TMEM59: variants seen among roughly 807,000 people sequenced by gnomAD.
TMEM59 encodes transmembrane protein 59.
A neutral mutation model predicts 42.2 loss-of-function variants in TMEM59; 44 were observed. The observed-to-expected ratio is 1.04, with a 90% CI of 0.82 to 1.34. TMEM59 has a LOEUF of 1.34. TMEM59 is among the 40% of genes most tolerant of loss of function. The pLI, the probability that TMEM59 is intolerant of heterozygous loss-of-function variation, is 0.00. For missense variants in TMEM59, 359 were observed against 382.8 expected, an observed-to-expected ratio of 0.94 and a Z score of 0.52; for synonymous variants, 148 against 145.8, an observed-to-expected ratio of 1.02 and a Z score of -0.11.
Position 54,030,601 on chromosome 1 carries a change from A to C in TMEM59, c.*1549T>G, listed in dbSNP as rs1656736723. 6.6e-6 allele frequency: 1 copy of C among 152,104 alleles called. No homozygotes were observed. Among genetic ancestry groups the C allele is most frequent in the African/African-American group, 2.4e-5 (1 of 41,420 alleles). 9.4% of individuals were successfully genotyped at this position (152,104 alleles called of 1,614,324 possible). A position where few individuals can be genotyped will look rare whatever the true frequency, so the allele number is the denominator to read the frequency against. ...AGCCACTGTGCCTGGCTGAGTCCCC[A>C]CGTTTTATCCCATGTTTTCTAACAA... On this transcript the variant is annotated 3_prime_UTR_variant, in exon 8 of 8. Coordinates refer to ENST00000234831, the MANE Select transcript of TMEM59 (RefSeq NM_004872.5).
In TMEM59 at chr1:54,043,401, G is replaced by A; in HGVS notation, c.515C>T (p.Ala172Val). ...ITSSWTFYLQ[A>V]DDGKIVIFQS... The stretch of plus-strand genomic sequence containing the variant: ...GAATATAACTATTTTTCCGTCATCG[G>A]CTTGAAGATAAAAAGTCCATGAAGA... The change falls in exon 4 of 8, where the codon GCC (alanine) becomes GTC (valine). Residue 172 changes from alanine (A) to valine (V), a missense_variant. Physicochemically the swap from Ala to Val is moderately conservative, Grantham distance 64. Transcript: ENST00000234831. 1 of 1,555,568 alleles carries A rather than the reference G, an allele frequency of 6.4e-7. No homozygotes were observed. The highest frequency in any genetic ancestry group is 8.7e-7 in the Non-Finnish European group (1 of 1,153,468).
intron 1 of TMEM59, among the ~76,000 whole-genome samples, chr1:54,049,383 TAGAC>T (rs1404837250): frequency 2.6e-5 from 4 of 152,218 alleles, no homozygotes; most frequent in South Asian, 2.1e-4. Flanking sequence ...TACTATCTAA[TAGAC>T]AGACATATTT....
chr1:54,047,583 G>GA (rs1657386625), intron 1 of TMEM59: 8 of 466,678 alleles, frequency 1.7e-5, no homozygotes, highest in Non-Finnish European at 3.0e-5. Flanking sequence ...GTGATACGAA[G>GA]AAAAAAGCCT....
At chr1:54,044,867 C>T (rs934799587) in intron 3 of TMEM59, 1 of 152,116 alleles carries the variant, frequency 6.6e-6, no homozygotes, top group African/African-American at 2.4e-5. Context: ...TTTATGTATA[C>T]TTATATTTAC....
rs967726962 is a variant in TMEM59 at position 54,029,809 on chromosome 1, G to A, written c.*2341C>T. On this transcript the variant is annotated 3_prime_UTR_variant, in exon 8 of 8. Coordinates refer to ENST00000234831, the MANE Select transcript of TMEM59 (RefSeq NM_004872.5). ...ATTATCTCAATCTTTATCACTGTAC[G>A]TACCCTGACCCTAGACTCTAGTGTA... 31 of 152,010 alleles carry A rather than the reference G, an allele frequency of 2.0e-4. No individual in the cohort carries two copies. The highest frequency in any genetic ancestry group is 6.5e-4 in the African/African-American group (27 of 41,370). The allele number at this position is 152,010 out of a possible 1,614,324, so 9.4% of individuals were successfully genotyped here. A position where few individuals can be genotyped will look rare whatever the true frequency, so the allele number is the denominator to read the frequency against.
chr1:54,047,470 A>G (rs1035325307), intron 1 of TMEM59, 98 bp from the exon 2 acceptor site: 2 of 944,836 alleles, frequency 2.1e-6, no homozygotes, highest in Non-Finnish European at 3.2e-6. Context: ...AAAGTTTATT[A>G]CAAATCGTCC....
chr1:54,048,588 C>A lies in TMEM59; in HGVS notation c.190-1216G>T, dbSNP rs41294774. On this transcript the variant is annotated intron_variant, in intron 1 of 7. Transcript: ENST00000234831. ...AAGACTAATGTCTTCAGCTGTTTTT[C>A]TTTGATAAAATAAAAGTATTTAAAA... The A allele has an allele frequency of 2.1e-3, 781 of 373,488 alleles. 5 individuals are homozygous for A. Among genetic ancestry groups the A allele is most frequent in the Non-Finnish European group, 3.2e-3 (585 of 180,744 alleles). 23.1% of individuals were successfully genotyped at this position (373,488 alleles called of 1,614,324 possible).
intron 5 of TMEM59, among the ~76,000 whole-genome samples, chr1:54,041,306 G>C (rs1399648096): frequency 6.6e-6 from 1 of 152,186 alleles, no homozygotes; most frequent in Non-Finnish European, 1.5e-5. Context: ...AATAAAAATA[G>C]AATGGGGACT....
upstream of TMEM59, chr1:54,053,439 C>T (rs909194083): frequency 1.5e-5 from 8 of 522,428 alleles, no homozygotes; most frequent in African/African-American, 3.8e-5. Flanking sequence ...AGCGGGGCCT[C>T]CTGACTTCTT....
At chr1:54,040,967 A>T in intron 5 of TMEM59, 130 bp from the exon 6 acceptor site, 1 of 675,762 alleles carries the variant, frequency 1.5e-6, no homozygotes, top group Non-Finnish European at 2.6e-6. Context: ...TACATTTTAT[A>T]ATGTGTACCA....
rs539897709 is a variant in TMEM59, at chr1:54,028,110, C to CAAACGTAGAATTAAGAGGATGGTGATAAG, written c.*4011_*4039dup. 4 of 152,224 alleles carry CAAACGTAGAATTAAGAGGATGGTGATAAG rather than the reference C, an allele frequency of 2.6e-5. No individual in the cohort carries two copies. The South Asian group carries it at 8.3e-4, about 32-fold the overall frequency. The allele number at this position is 152,224 out of a possible 1,614,324, so 9.4% of individuals were successfully genotyped here. A position where few individuals can be genotyped will look rare whatever the true frequency, so the allele number is the denominator to read the frequency against. On this transcript the variant is annotated 3_prime_UTR_variant, in exon 8 of 8. Transcript: ENST00000234831. ...CGCTGGCTTCCTAGAGACTGGTTGG[C>CAAACGTAGAATTAAGAGGATGGTGATAAG]AAACGTAGAATTAAGAGGATGGTGA...
In TMEM59 at chr1:54,036,650, G is replaced by A. The variant is rs1656960900; in HGVS notation, c.776C>T (p.Ala259Val). Residue 259 changes from alanine to valine, a missense_variant, in exon 7 of 8, where the codon GCA becomes GTA. By Grantham distance (64) the Ala-to-Val change is moderately conservative. Transcript: ENST00000234831. ...SVMVLLWICC[A>V]TVATAVEQYV... ...CTGCTCCACAGCTGTAGCAACAGTTGCACAACAAATCCAAAGCAATACCAT... is the reference window on the plus strand; with the variant it reads ...CTGCTCCACAGCTGTAGCAACAGTTACACAACAAATCCAAAGCAATACCAT... 6.2e-7 allele frequency: 1 copy of A among 1,610,580 alleles called. No homozygotes were observed. Among genetic ancestry groups the A allele is most frequent in the Non-Finnish European group, 8.5e-7 (1 of 1,178,260 alleles).
intron 1 of TMEM59, among the ~76,000 whole-genome samples, chr1:54,051,410 G>A (rs1364296290): frequency 6.6e-6 from 1 of 152,190 alleles, no homozygotes; most frequent in Non-Finnish European, 1.5e-5. Flanking sequence ...CCTATAGGGA[G>A]CCAGATGATT....
chr1:54,035,839 C>T (rs1656926723), intron 7 of TMEM59, among the ~76,000 whole-genome samples: 2 of 152,174 alleles, frequency 1.3e-5, no homozygotes, highest in East Asian at 3.8e-4. Context: ...GTCTCAAATT[C>T]TTGAGCTCAA....
Position 54,043,376 on chromosome 1 carries a change from G to T in TMEM59, c.540C>A (p.Phe180Leu). The T allele has an allele frequency of 6.5e-7, 1 of 1,543,088 alleles. No homozygotes were observed. Among genetic ancestry groups the T allele is most frequent in the Non-Finnish European group, 8.7e-7 (1 of 1,147,620 alleles). The change falls in exon 4 of 8, where the codon TTC becomes TTA. Residue 180 changes from phenylalanine to leucine, a missense_variant. Physicochemically the swap from Phe to Leu is conservative, Grantham distance 22 (BLOSUM62 0). Coordinates refer to ENST00000234831, the MANE Select transcript of TMEM59 (RefSeq NM_004872.5). The part of the protein sequence containing the change: ...LQADDGKIVI[F>L]QSKPEIQYAP... The stretch of plus-strand genomic sequence containing the variant: ...ATCCATGAAGCTCAGTTGTCACCTG[G>T]AATATAACTATTTTTCCGTCATCGG...
At position 54,043,493 on chromosome 1, in the gene TMEM59, G is replaced by C. The variant is rs150161747; in HGVS notation, c.423C>G (p.Leu141=). 8 of 1,528,088 alleles carry C rather than the reference G, an allele frequency of 5.2e-6. No individual in the cohort carries two copies. The Admixed American group carries it at 5.9e-5, about 11-fold the overall frequency. 94.7% of individuals were successfully genotyped at this position (1,528,088 alleles called of 1,614,324 possible). The change falls in exon 4 of 8, where the codon CTC becomes CTG. Residue 141 remains leucine (L), a synonymous_variant. Coordinates refer to ENST00000234831, the MANE Select transcript of TMEM59 (RefSeq NM_004872.5). ...ATGACCTCACCAGAGTTAGAGGAAA[G>C]AGTAGGTGCATTTTTGGCATCAGGG... The part of the protein sequence containing the change: ...LMSLMPKMHL[L]FPLTLVRSFW...
At chr1:54,046,665 T>C (rs1051225167) in intron 2 of TMEM59, among the ~76,000 whole-genome samples, 5 of 152,140 alleles carry the variant, frequency 3.3e-5, no homozygotes, top group Admixed American at 2.6e-4. Flanking sequence ...GGGGAAAAGG[T>C]GCCTCCTTCT....
intron 7 of TMEM59, chr1:54,034,635 G>A (rs904844472): frequency 1.2e-4 from 18 of 152,250 alleles, no homozygotes; most frequent in African/African-American, 4.3e-4. Context: ...TAAGCTGGGT[G>A]TGGTGGTGTG....
Position 54,032,110 on chromosome 1 carries a change from T to C in TMEM59, c.*40A>G, listed in dbSNP as rs777793591. The C allele has an allele frequency of 7.7e-6, 12 of 1,552,158 alleles. No individual in the cohort carries two copies. In the Admixed American group the frequency reaches 2.3e-4, roughly 29 times the overall value. ...TTAAAAGCTCTATGAGGAGTGGAAT[T>C]TTAGATGTCTATTACACTTGTCTTT... On this transcript the variant is annotated 3_prime_UTR_variant, in exon 8 of 8. Coordinates refer to ENST00000234831, the MANE Select transcript of TMEM59 (RefSeq NM_004872.5).
Sources: allele counts gnomAD v4.1 joint callset (sites outside exome capture counted in the v4.1 genomes callset), GRCh38; gene constraint gnomAD v4.1.1; transcripts MANE v1.5; gene names NCBI Gene and HGNC (gene_info 2026-07-23, HGNC 2026-07-21).